COLGALT2: variants seen among roughly 807,000 people sequenced by gnomAD.
COLGALT2 encodes the protein procollagen galactosyltransferase 2.
In COLGALT2, 49 loss-of-function variants were observed where a neutral mutation model predicts 73.4. The ratio of observed to expected loss-of-function variants is 0.67; its 90% CI spans 0.53 to 0.85. The LOEUF (loss-of-function observed/expected upper bound fraction) is 0.85, where lower values mean the gene tolerates loss of function less well. Among genes scored for constraint, COLGALT2 ranks in the 40% least tolerant of loss-of-function variants. COLGALT2 has a pLI of 0.00. For missense variants in COLGALT2, 722 were observed against 790.2 expected, an observed-to-expected ratio of 0.91 and a Z score of 1.03; for synonymous variants, 295 against 307.6, an observed-to-expected ratio of 0.96 and a Z score of 0.43.
chr1:183,979,773 T>C (rs1671298727), intron 1 of COLGALT2, among the ~76,000 whole-genome samples: 1 of 151,996 alleles, frequency 6.6e-6, no homozygotes, highest in Non-Finnish European at 1.5e-5. Flanking sequence ...TTAAAGATGG[T>C]ACAAATGGGG....
At chr1:184,030,527 T>C (rs1247298842) in intron 1 of COLGALT2, among the ~76,000 whole-genome samples, 1 of 152,196 alleles carries the variant, frequency 6.6e-6, no homozygotes, top group African/African-American at 2.4e-5. Flanking sequence ...TGCCATAGAC[T>C]TGGAGACGGT....
At position 183,973,657 on chromosome 1, in the gene COLGALT2, G is replaced by A. The variant is rs780114815; in HGVS notation, c.586C>T (p.Arg196Trp). Residue 196 changes from arginine to tryptophan, a missense_variant, in exon 4 of 12, where the codon CGG becomes TGG. Transcript: ENST00000361927. The stretch of plus-strand genomic sequence containing the variant: ...CACCAGAAATTAGAATACAGGCCCC[G>A]AGACTCCAGCATGGGGGCCACAATA... The part of the protein sequence containing the change: ...KTIVAPMLES[R>W]GLYSNFWCGI... 1.9e-5 allele frequency: 31 copies of A among 1,613,910 alleles called. No homozygotes were observed. The highest frequency in any genetic ancestry group is 1.6e-4 in the Middle Eastern group (1 of 6,084).
At chr1:184,025,723 C>T (rs572171581) in intron 1 of COLGALT2, among the ~76,000 whole-genome samples, 37 of 152,234 alleles carry the variant, frequency 2.4e-4, no homozygotes, top group Admixed American at 1.8e-3. Flanking sequence ...AAGGAGACAA[C>T]ACTCTTAGCA....
At chr1:184,000,895 T>C (rs1013409904) in intron 1 of COLGALT2, among the ~76,000 whole-genome samples, 4 of 149,654 alleles carry the variant, frequency 2.7e-5, no homozygotes, top group Non-Finnish European at 5.9e-5. Flanking sequence ...AGTGGAGCGA[T>C]CTCGGCTCAC....
intron 1 of COLGALT2, among the ~76,000 whole-genome samples, chr1:184,026,298 G>A (rs997678232): frequency 4.6e-5 from 7 of 152,250 alleles, no homozygotes; most frequent in African/African-American, 1.4e-4. Context: ...GTGGTATGCA[G>A]TTCACATTTT....
At chr1:183,930,702 G>A (rs1669828193) in intron 11 of COLGALT2, among the ~76,000 whole-genome samples, 1 of 150,062 alleles carries the variant, frequency 6.7e-6, no homozygotes, top group African/African-American at 2.5e-5. Flanking sequence ...TTACAGGCAT[G>A]AGCCACCACG....
At position 183,969,491 on chromosome 1, in the gene COLGALT2, G is replaced by C; in HGVS notation, c.628-18C>G. On this transcript the variant is annotated intron_variant, in intron 4 of 11. Transcript: ENST00000361927. ...TAGAAGCCCTGTAAAAGAGCAAATA[G>C]GTGGGTTGTGTTTTCTGATTTGAAG... 6.3e-7 allele frequency: 1 copy of C among 1,584,798 alleles called. No individual in the cohort carries two copies. The highest frequency in any genetic ancestry group is 8.6e-7 in the Non-Finnish European group (1 of 1,164,482).
chr1:184,001,335 T>C (rs1671919962), intron 1 of COLGALT2, among the ~76,000 whole-genome samples: 1 of 152,196 alleles, frequency 6.6e-6, no homozygotes, highest in African/African-American at 2.4e-5. Flanking sequence ...TTATTCTGCT[T>C]GAGATTCATT....
intron 1 of COLGALT2, among the ~76,000 whole-genome samples, chr1:184,013,279 C>T (rs570420541): frequency 6.6e-6 from 1 of 152,354 alleles, no homozygotes; most frequent in South Asian, 2.1e-4. Flanking sequence ...TGTGCCACTG[C>T]ACTCCAGCCT....
At position 183,939,159 on chromosome 1, in the gene COLGALT2, C is replaced by T. The variant is rs1333608510; in HGVS notation, c.1605-122G>A. 4.4e-6 allele frequency: 3 copies of T among 688,858 alleles called. No individual in the cohort carries two copies. In the East Asian group the frequency reaches 8.2e-5, roughly 19 times the overall value. 42.7% of individuals were successfully genotyped at this position (688,858 alleles called of 1,614,324 possible). A position where few individuals can be genotyped will look rare whatever the true frequency, so the allele number is the denominator to read the frequency against. On this transcript the variant is annotated intron_variant, in intron 11 of 11. Coordinates refer to ENST00000361927, the MANE Select transcript of COLGALT2 (RefSeq NM_015101.4). Reference sequence around the variant, plus strand: ...GTTCATTTCATTATTTCAATTGTGTCATTTGTGAAAAACTTTAGCCTACAA... The same window carrying T: ...GTTCATTTCATTATTTCAATTGTGTTATTTGTGAAAAACTTTAGCCTACAA...
chr1:183,969,284 A>G lies in COLGALT2; in HGVS notation c.817T>C (p.Ser273Pro). The part of the protein sequence containing the change: ...TFDDIIVFAF[S>P]SRQAGIQMYL... Reference sequence around the variant, plus strand: ...CAAACAGTACCTGCTTGCCTGCTGGAGAAGGCAAAGACAATGATGTCATCA... The same window carrying G: ...CAAACAGTACCTGCTTGCCTGCTGGGGAAGGCAAAGACAATGATGTCATCA... Residue 273 changes from serine to proline, a missense_variant, in exon 5 of 12, where the codon TCC becomes CCC. Coordinates refer to ENST00000361927, the MANE Select transcript of COLGALT2 (RefSeq NM_015101.4). The G allele has an allele frequency of 6.2e-7, 1 of 1,611,912 alleles. No individual in the cohort carries two copies. Among genetic ancestry groups the G allele is most frequent in the Non-Finnish European group, 8.5e-7 (1 of 1,179,004 alleles).
At chr1:183,975,059 A>C (rs1449710962) in intron 3 of COLGALT2, 38 bp downstream of exon 3, 1 of 1,422,512 alleles carries the variant, frequency 7.0e-7, no homozygotes. Context: ...GATACACCTG[A>C]GATGACAGTT....
intron 1 of COLGALT2, among the ~76,000 whole-genome samples, chr1:184,030,840 C>G (rs1649491194): frequency 6.6e-6 from 1 of 152,200 alleles, no homozygotes; most frequent in Admixed American, 6.5e-5. Flanking sequence ...AGCATTAAAA[C>G]AGCTACACAG....
Position 184,037,435 on chromosome 1 carries a change from C to G in COLGALT2, c.-78G>C, listed in dbSNP as rs1649729909. The stretch of plus-strand genomic sequence containing the variant: ...GCTGCCTGAGGGCGGCGGCGGCTGC[C>G]GGGGAGCAAGGGGCTGCGAGGGGCG... On this transcript the variant is annotated 5_prime_UTR_variant, in exon 1 of 12. Transcript: ENST00000361927. The G allele has an allele frequency of 1.1e-5, 14 of 1,264,756 alleles. No homozygotes were observed. Among genetic ancestry groups the G allele is most frequent in the Non-Finnish European group, 1.4e-5 (14 of 1,008,658 alleles). The allele number at this position is 1,264,756 out of a possible 1,614,324, so 78.3% of individuals were successfully genotyped here.
rs774693454 is a variant in COLGALT2, at chr1:183,964,024, A to G, written c.833-4T>C. 6.2e-7 allele frequency: 1 copy of G among 1,612,754 alleles called. No homozygotes were observed. The highest frequency in any genetic ancestry group is 1.3e-5 in the African/African-American group (1 of 74,888). ...TTGCAGAGGTACATCTGGATGCCTG[A>G]GGATCCAAGAGAGGGACAAAGCCAA... On this transcript the variant is annotated splice_region_variant and splice_polypyrimidine_tract_variant and intron_variant, in intron 5 of 11. Transcript: ENST00000361927.
intron 3 of COLGALT2, 90 bp downstream of exon 3, chr1:183,975,007 T>C: frequency 1.1e-6 from 1 of 891,816 alleles, no homozygotes; most frequent in Admixed American, 2.1e-5. Flanking sequence ...AAAAGGTTGT[T>C]TTGATTGCTT....
Position 183,944,306 on chromosome 1 carries a change from T to A in COLGALT2, c.1287A>T (p.Leu429=), listed in dbSNP as rs1670191714. The part of the protein sequence containing the change: ...SVWKEVIDRE[L]EKTLVIEDDV... ...CGTCTTCAATTACAAGAGTCTTCTCTAGCTCTCGATCAATTACCTGCAAAA... is the reference window on the plus strand; with the variant it reads ...CGTCTTCAATTACAAGAGTCTTCTCAAGCTCTCGATCAATTACCTGCAAAA... Residue 429 remains leucine (L), a synonymous_variant, in exon 10 of 12, where the codon CTA becomes CTT. Transcript: ENST00000361927. The A allele has an allele frequency of 6.2e-7, 1 of 1,613,180 alleles. No homozygotes were observed. The highest frequency in any genetic ancestry group is 8.5e-7 in the Non-Finnish European group (1 of 1,179,706).
chr1:183,973,873 G>T, intron 3 of COLGALT2, 123 bp from the exon 4 acceptor site: 2 of 864,636 alleles, frequency 2.3e-6, no homozygotes, highest in Non-Finnish European at 3.6e-6. Flanking sequence ...AGCTATCTAT[G>T]TCCTCCTTAT....
chr1:184,012,673 C>A (rs1002256074), intron 1 of COLGALT2, among the ~76,000 whole-genome samples: 1 of 152,122 alleles, frequency 6.6e-6, no homozygotes, highest in Non-Finnish European at 1.5e-5. Flanking sequence ...AAAATGGTTC[C>A]CACAGAAGAG....
Sources: gnomAD v4.1 joint callset for allele counts (sites outside exome capture counted in the v4.1 genomes callset) on GRCh38, gnomAD v4.1.1 for gene constraint, MANE v1.5 for transcripts, NCBI Gene and HGNC (gene_info 2026-07-23, HGNC 2026-07-21) for gene names.